The following CACNA2D1 variants were observed in gnomAD, a reference collection of about 807,000 sequenced individuals.
CACNA2D1 encodes the protein voltage-dependent calcium channel subunit alpha-2/delta-1.
A neutral mutation model predicts 171.5 loss-of-function variants in CACNA2D1; 53 were observed. That is an observed-to-expected ratio of 0.31 (90% CI 0.25 to 0.39). The LOEUF (loss-of-function observed/expected upper bound fraction) is 0.39. CACNA2D1 is among the 10% of genes least tolerant of loss of function. The pLI is 1.00. For missense variants in CACNA2D1, 903 were observed against 1,299.8 expected, an observed-to-expected ratio of 0.69 and a Z score of 4.69; for synonymous variants, 442 against 443.1, an observed-to-expected ratio of 1.00 and a Z score of 0.03.
intron 1 of CACNA2D1, among the ~76,000 whole-genome samples, chr7:82,357,353 G>A (rs571650106): frequency 7.2e-5 from 11 of 152,094 alleles, no homozygotes; most frequent in Non-Finnish European, 1.5e-4. Context: ...GTAATCTACT[G>A]TAAAAGTATA....
chr7:82,192,460 TTGTGTGTGTG>T (rs200160135), intron 3 of CACNA2D1, among the ~76,000 whole-genome samples: 7,947 of 136,592 alleles, frequency 0.058, 516 homozygotes, highest in African/African-American at 0.17. Flanking sequence ...GTGTTTGTGT[TTGTGTGTGTG>T]TGTGTGTGTG....
chr7:82,159,177 C>A (rs1362917240), intron 4 of CACNA2D1, among the ~76,000 whole-genome samples: 1 of 151,948 alleles, frequency 6.6e-6, no homozygotes, highest in Non-Finnish European at 1.5e-5. Flanking sequence ...GTACTACCTG[C>A]AGCTTTCTAC....
rs1180280857 is a variant in CACNA2D1 at position 82,060,167 on chromosome 7, T to A, written c.879+261A>T. ...ATATATATGTATTATATATATATAA[T>A]ATATATATATAATATATATATATTA... On this transcript the variant is annotated intron_variant, in intron 10 of 38. Transcript: ENST00000356860. 1.9e-3 allele frequency among the ~76,000 whole-genome samples: 24 copies of A among 12,634 alleles called. 4 individuals are homozygous for A. Among genetic ancestry groups the A allele is most frequent in the African/African-American group, 3.0e-3 (19 of 6,362 alleles). 8.3% of individuals were successfully genotyped at this position (12,634 alleles called of 152,430 possible).
intron 3 of CACNA2D1, among the ~76,000 whole-genome samples, chr7:82,241,924 T>C (rs1468752213): frequency 6.6e-6 from 1 of 152,176 alleles, no homozygotes; most frequent in African/African-American, 2.4e-5. Context: ...AGAGAACATA[T>C]TACTTTCTGG....
At chr7:82,386,660 G>A (rs901476368) in intron 1 of CACNA2D1, among the ~76,000 whole-genome samples, 8 of 152,012 alleles carry the variant, frequency 5.3e-5, no homozygotes, top group Non-Finnish European at 5.9e-5. Context: ...TTGAACTCGA[G>A]AGGCGGAGGT....
At chr7:82,404,814 G>A (rs1462137616) in intron 1 of CACNA2D1, among the ~76,000 whole-genome samples, 1 of 152,204 alleles carries the variant, frequency 6.6e-6, no homozygotes, top group South Asian at 2.1e-4. Flanking sequence ...AGTCGAGAGA[G>A]AGAAGTGATT....
chr7:82,345,028 T>C (rs1819087568), intron 2 of CACNA2D1, among the ~76,000 whole-genome samples: 1 of 152,158 alleles, frequency 6.6e-6, no homozygotes, highest in Non-Finnish European at 1.5e-5. Flanking sequence ...GTCTTGCTGA[T>C]TCCCTAGTCA....
chr7:82,105,249 A>G (rs1787605921), intron 6 of CACNA2D1, among the ~76,000 whole-genome samples: 1 of 152,016 alleles, frequency 6.6e-6, no homozygotes, highest in East Asian at 1.9e-4. Flanking sequence ...ATTTTATATA[A>G]TTTAAAACTT....
intron 3 of CACNA2D1, among the ~76,000 whole-genome samples, chr7:82,245,491 A>C (rs978938794): frequency 1.3e-5 from 2 of 152,144 alleles, no homozygotes; most frequent in African/African-American, 2.4e-5. Flanking sequence ...AACTCTAAAA[A>C]TGGAGTAACT....
chr7:82,209,323 G>A (rs1240219125), intron 3 of CACNA2D1, among the ~76,000 whole-genome samples: 1 of 152,130 alleles, frequency 6.6e-6, no homozygotes, highest in African/African-American at 2.4e-5. Context: ...TTTGGCATAG[G>A]GGTTGGTAGA....
At chr7:82,408,575 G>A (rs1464907638) in intron 1 of CACNA2D1, among the ~76,000 whole-genome samples, 1 of 152,076 alleles carries the variant, frequency 6.6e-6, no homozygotes, top group Non-Finnish European at 1.5e-5. Context: ...AGCACATACG[G>A]CACAGAACAG....
intron 3 of CACNA2D1, among the ~76,000 whole-genome samples, chr7:82,333,773 G>GA (rs1353171662): frequency 6.6e-6 from 1 of 151,398 alleles, no homozygotes; most frequent in African/African-American, 2.4e-5. Context: ...AAATTCCTTG[G>GA]AAAAAATAAT....
At chr7:81,980,172 CA>C (rs35616922) in intron 24 of CACNA2D1, among the ~76,000 whole-genome samples, 4,844 of 25,112 alleles carry the variant, frequency 0.19, 29 homozygotes, top group Non-Finnish European at 0.22. Flanking sequence ...TAAAACCAAG[CA>C]AAAAAAAAAA....
chr7:82,094,449 G>A (rs893735208), intron 6 of CACNA2D1, among the ~76,000 whole-genome samples: 4 of 152,118 alleles, frequency 2.6e-5, no homozygotes, highest in Middle Eastern at 3.2e-3. Flanking sequence ...CGTACACAGA[G>A]AGATGGACAT....
intron 9 of CACNA2D1, among the ~76,000 whole-genome samples, chr7:82,061,552 T>C (rs1452586012): frequency 6.6e-6 from 1 of 152,130 alleles, no homozygotes; most frequent in Non-Finnish European, 1.5e-5. Context: ...ATCCTTTCAT[T>C]TTGGCATTTT....
chr7:82,233,518 T>C (rs1451533601), intron 3 of CACNA2D1, among the ~76,000 whole-genome samples: 1 of 152,182 alleles, frequency 6.6e-6, no homozygotes, highest in African/African-American at 2.4e-5. Context: ...ATTGAAGTAT[T>C]CATTTAATTT....
rs1830685824 is a variant in CACNA2D1, at chr7:82,443,678, G to A, written c.-219C>T. ...GTGGCGGGCGGACCCACTAGCGTGC[G>A]TCGGCTGCTCCGCGCCGCGGCCGCC... On this transcript the variant is annotated 5_prime_UTR_variant, in exon 1 of 39. It adds an upstream start codon to the 5' untranslated region. Coordinates refer to ENST00000356860, the MANE Select transcript of CACNA2D1 (RefSeq NM_000722.4). The A allele has an allele frequency of 2.4e-6, 3 of 1,246,532 alleles. No homozygotes were observed. Among genetic ancestry groups the A allele is most frequent in the East Asian group, 6.3e-5 (2 of 31,726 alleles). 77.2% of individuals were successfully genotyped at this position (1,246,532 alleles called of 1,614,324 possible). A position where few individuals can be genotyped will look rare whatever the true frequency, so the allele number is the denominator to read the frequency against.
At chr7:82,068,350 A>C (rs7802058) in intron 7 of CACNA2D1, among the ~76,000 whole-genome samples, 70,527 of 151,984 alleles carry the variant, frequency 0.46, 18,084 homozygotes, top group African/African-American at 0.69. Context: ...AGTGTGGCAT[A>C]ACAGTGACTT....
chr7:82,378,547 C>A (rs1005026508), intron 1 of CACNA2D1, among the ~76,000 whole-genome samples: 1 of 152,068 alleles, frequency 6.6e-6, no homozygotes, highest in Middle Eastern at 3.2e-3. Flanking sequence ...GATAGAATTT[C>A]TTTTGAACCA....
Sources: gnomAD v4.1 joint callset for allele counts (sites outside exome capture counted in the v4.1 genomes callset) on GRCh38, gnomAD v4.1.1 for gene constraint, MANE v1.5 for transcripts, NCBI Gene and HGNC (gene_info 2026-07-23, HGNC 2026-07-21) for gene names.